SGCZ: variants seen among roughly 807,000 people sequenced by gnomAD.
The protein encoded by SGCZ is zeta-sarcoglycan.
In SGCZ, 40 loss-of-function variants were observed where a neutral mutation model predicts 41.3. The ratio of observed to expected loss-of-function variants is 0.97; its 90% CI spans 0.75 to 1.26. The LOEUF is 1.26. SGCZ is among the 50% of genes most tolerant of loss of function. The probability of loss-of-function intolerance (pLI) is 0.00; values close to 1 mark genes in which losing one functional copy is unlikely to be tolerated. For missense variants in SGCZ, 552 were observed against 369.8 expected (o/e 1.49, Z -4.04); for synonymous variants, 206 against 137.5 (o/e 1.50, Z -3.49).
chr8:14,809,497 T>A (rs910661101), intron 1 of SGCZ, among the ~76,000 whole-genome samples: 1 of 152,144 alleles, frequency 6.6e-6, no homozygotes, highest in Non-Finnish European at 1.5e-5. Context: ...AGAAACCACT[T>A]GGTATGGTAA....
rs1043562186 is a variant in SGCZ, at chr8:15,194,227, A to C, written c.39+43358T>G. Among the ~76,000 whole-genome samples, 45 of 134,480 alleles carry C rather than the reference A, an allele frequency of 3.3e-4. 2 individuals are homozygous for C. Among genetic ancestry groups the C allele is most frequent in the Middle Eastern group, 3.8e-3 (1 of 266 alleles). The allele number at this position is 134,480 out of a possible 152,430, so 88.2% of individuals were successfully genotyped here. A position where few individuals can be genotyped will look rare whatever the true frequency, so the allele number is the denominator to read the frequency against. ...CACACACACACACACACACACACAC[A>C]CCACAACCCTCCCTTTGGTATAACT... is the stretch of plus-strand genomic sequence containing the variant. On this transcript the variant is annotated intron_variant, in intron 1 of 7. Coordinates refer to ENST00000382080, the MANE Select transcript of SGCZ (RefSeq NM_139167.4).
At chr8:14,472,496 G>C (rs1801241215) in intron 2 of SGCZ, among the ~76,000 whole-genome samples, 1 of 152,020 alleles carries the variant, frequency 6.6e-6, no homozygotes, top group African/African-American at 2.4e-5. Context: ...CTTAGAATGT[G>C]ATACTTTTAA....
intron 2 of SGCZ, among the ~76,000 whole-genome samples, chr8:14,386,074 T>A (rs1804564547): frequency 6.6e-6 from 1 of 152,126 alleles, no homozygotes; most frequent in Non-Finnish European, 1.5e-5. Flanking sequence ...TTCTAAATAT[T>A]TTTTCCAAAT....
intron 5 of SGCZ, among the ~76,000 whole-genome samples, chr8:14,155,680 C>G (rs541065174): frequency 5.7e-4 from 86 of 150,508 alleles, no homozygotes; most frequent in South Asian, 4.4e-3. Flanking sequence ...TTCAATCAAA[C>G]GTATTGTCAT....
At chr8:15,043,837 C>T (rs915715638) in intron 1 of SGCZ, among the ~76,000 whole-genome samples, 2 of 151,966 alleles carry the variant, frequency 1.3e-5, no homozygotes, top group African/African-American at 2.4e-5. Flanking sequence ...GCTCTCAGTG[C>T]TTTAGTGTTA....
intron 1 of SGCZ, among the ~76,000 whole-genome samples, chr8:14,597,520 G>A (rs530312360): frequency 6.6e-6 from 1 of 152,274 alleles, no homozygotes; most frequent in South Asian, 2.1e-4. Flanking sequence ...CCAGGCTGGA[G>A]TGCAGTGGCA....
At chr8:14,260,801 C>A (rs1006694570) in intron 3 of SGCZ, among the ~76,000 whole-genome samples, 2 of 152,064 alleles carry the variant, frequency 1.3e-5, no homozygotes, top group South Asian at 4.1e-4. Context: ...TTTGTAGGGA[C>A]ATGGATGAAA....
chr8:14,625,487 G>A (rs1806424558), intron 1 of SGCZ, among the ~76,000 whole-genome samples: 1 of 152,122 alleles, frequency 6.6e-6, no homozygotes, highest in African/African-American at 2.4e-5. Context: ...AGCATTACAT[G>A]GCTAGACTAT....
chr8:14,401,091 C>G (rs111598569), intron 2 of SGCZ, among the ~76,000 whole-genome samples: 3 of 152,000 alleles, frequency 2.0e-5, no homozygotes, highest in Non-Finnish European at 4.4e-5. Context: ...GAAAGCAGTC[C>G]ACACTGTGCA....
chr8:14,099,200 A>ATATC (rs1237428474), intron 7 of SGCZ, among the ~76,000 whole-genome samples: 8 of 152,160 alleles, frequency 5.3e-5, no homozygotes, highest in Non-Finnish European at 7.3e-5. Flanking sequence ...GAACTTGAGC[A>ATATC]TATCTTTTTC....
chr8:14,302,408 T>C (rs183088760), intron 3 of SGCZ, among the ~76,000 whole-genome samples: 692 of 152,296 alleles, frequency 4.5e-3, no homozygotes, highest in Middle Eastern at 6.8e-3. Context: ...GAGAAGCTTC[T>C]ATCACAGACA....
intron 1 of SGCZ, among the ~76,000 whole-genome samples, chr8:15,120,171 T>C (rs936324305): frequency 6.6e-6 from 1 of 152,198 alleles, no homozygotes; most frequent in Non-Finnish European, 1.5e-5. Flanking sequence ...TCTAACAATG[T>C]TTCACTGATC....
chr8:14,676,816 C>T (rs1474606425), intron 1 of SGCZ, among the ~76,000 whole-genome samples: 1 of 152,078 alleles, frequency 6.6e-6, no homozygotes, highest in Non-Finnish European at 1.5e-5. Context: ...AGCGTATTTT[C>T]TAAGCTTAAT....
At position 14,546,330 on chromosome 8, in the gene SGCZ, C is replaced by T. The variant is rs539146437; in HGVS notation, c.234+8402G>A. On this transcript the variant is annotated intron_variant, in intron 2 of 7. Transcript: ENST00000382080. The stretch of plus-strand genomic sequence containing the variant: ...AAATGGAAATGGCAGCTCAGAAAGG[C>T]GGGCAAAAACTACGGGCTTAAATCA... Among the ~76,000 whole-genome samples, 9 of 152,198 alleles carry T rather than the reference C, an allele frequency of 5.9e-5. No homozygotes were observed. The South Asian group carries it at 8.3e-4, about 14-fold the overall frequency.
chr8:14,355,456 A>G (rs1803258849), intron 2 of SGCZ, among the ~76,000 whole-genome samples: 1 of 152,114 alleles, frequency 6.6e-6, no homozygotes, highest in Non-Finnish European at 1.5e-5. Context: ...GCCTATTTAT[A>G]TGAGCTACAT....
At chr8:14,734,206 G>T (rs1173879920) in intron 1 of SGCZ, among the ~76,000 whole-genome samples, 4 of 152,098 alleles carry the variant, frequency 2.6e-5, no homozygotes, top group African/African-American at 9.7e-5. Context: ...GGCCGAAAAA[G>T]AATACGACAA....
At chr8:14,840,104 C>T (rs1802847579) in intron 1 of SGCZ, among the ~76,000 whole-genome samples, 2 of 151,818 alleles carry the variant, frequency 1.3e-5, no homozygotes. Context: ...ATGAACACAC[C>T]TTAAAGAAAG....
intron 5 of SGCZ, among the ~76,000 whole-genome samples, chr8:14,163,535 C>T (rs1804111312): frequency 1.3e-5 from 2 of 152,096 alleles, no homozygotes; most frequent in South Asian, 4.1e-4. Flanking sequence ...ATATAAAGAG[C>T]CAACACAACC....
At chr8:14,416,237 C>G (rs1248063651) in intron 2 of SGCZ, among the ~76,000 whole-genome samples, 2 of 151,888 alleles carry the variant, frequency 1.3e-5, no homozygotes, top group Non-Finnish European at 2.9e-5. Flanking sequence ...TTAAGGCAGA[C>G]ATTTCCTATA....
Sources: gnomAD v4.1 joint callset for allele counts (sites outside exome capture counted in the v4.1 genomes callset) on GRCh38, gnomAD v4.1.1 for gene constraint, MANE v1.5 for transcripts, NCBI Gene and HGNC (gene_info 2026-07-23, HGNC 2026-07-21) for gene names.